BNIP1: variants seen among roughly 807,000 people sequenced by gnomAD.
BNIP1 encodes the protein vesicle transport protein SEC20.
In BNIP1, 25 loss-of-function variants were observed where a neutral mutation model predicts 28.5. That is an observed-to-expected ratio of 0.88 (90% CI 0.64 to 1.23). The LOEUF is 1.23. Among genes scored for constraint, BNIP1 ranks in the 50% most tolerant of loss-of-function variants. The probability of loss-of-function intolerance (pLI) is 0.00; values close to 1 mark genes in which losing one functional copy is unlikely to be tolerated. For synonymous variants in BNIP1, 118 were observed against 101.7 expected (o/e 1.16, Z -0.96); for missense variants, 276 against 277.0 (o/e 1.00, Z 0.02).
chr5:173,160,343 T>A (rs1760328059), intron 5 of BNIP1, among the ~76,000 whole-genome samples: 1 of 152,082 alleles, frequency 6.6e-6, no homozygotes, highest in African/African-American at 2.4e-5. Context: ...CAAGCGATTC[T>A]CCTGCCTTAG....
At position 173,164,020 on chromosome 5, in the gene BNIP1, G is replaced by GT. The variant is rs1173648761; in HGVS notation, c.*102dup. 3.3e-6 allele frequency: 4 copies of GT among 1,216,946 alleles called. No individual in the cohort carries two copies. The African/African-American group carries it at 6.2e-5, about 19-fold the overall frequency. 75.4% of individuals were successfully genotyped at this position (1,216,946 alleles called of 1,614,324 possible). ...GCTAAGCTGAGCCACACACCCCTCC[G>GT]TTTGCACCAGTTGCCTGCAGGTTGG... is the stretch of plus-strand genomic sequence containing the variant. On this transcript the variant is annotated 3_prime_UTR_variant, in exon 6 of 6. Transcript: ENST00000351486. The surrounding 1 kb of genome is among the most constrained non-coding windows in gnomAD (Gnocchi z 4.0).
chr5:173,152,674 A>T (rs1760057297), intron 2 of BNIP1, among the ~76,000 whole-genome samples: 1 of 152,186 alleles, frequency 6.6e-6, no homozygotes, highest in African/African-American at 2.4e-5. Context: ...CTAATAGGGA[A>T]TACAGATTTT....
intron 2 of BNIP1, among the ~76,000 whole-genome samples, chr5:173,153,473 C>T (rs936288729): frequency 3.9e-5 from 6 of 152,064 alleles, no homozygotes; most frequent in South Asian, 2.1e-4. Flanking sequence ...GTGATCTCCC[C>T]GCCTCGGCCT....
intron 3 of BNIP1, among the ~76,000 whole-genome samples, chr5:173,155,826 C>G (rs1249691288): frequency 6.6e-6 from 1 of 152,206 alleles, no homozygotes; most frequent in Non-Finnish European, 1.5e-5. Context: ...AAGCGATCCT[C>G]TCACCTCAGC....
chr5:173,157,759 G>C (rs1031204140), intron 3 of BNIP1, among the ~76,000 whole-genome samples: 12 of 152,042 alleles, frequency 7.9e-5, no homozygotes, highest in Non-Finnish European at 4.4e-5. Flanking sequence ...CCAACTTTCC[G>C]TTATCACCCA....
At chr5:173,150,332 C>T (rs1759980684) in intron 2 of BNIP1, among the ~76,000 whole-genome samples, 1 of 151,588 alleles carries the variant, frequency 6.6e-6, no homozygotes, top group Non-Finnish European at 1.5e-5. Flanking sequence ...TCTGTTGTTG[C>T]TTAACAGAGG....
At chr5:173,156,190 G>T (rs1325467230) in intron 3 of BNIP1, among the ~76,000 whole-genome samples, 1 of 152,228 alleles carries the variant, frequency 6.6e-6, no homozygotes, top group East Asian at 1.9e-4. Flanking sequence ...TTGCTTTCCT[G>T]AGCCACCAAG....
intron 2 of BNIP1, chr5:173,151,688 C>T: frequency 6.2e-7 from 1 of 1,613,706 alleles, no homozygotes; most frequent in South Asian, 1.1e-5. Context: ...CACCTGTTAC[C>T]TTCAGTGTGA....
At chr5:173,156,827 T>G (rs1306966582) in intron 3 of BNIP1, among the ~76,000 whole-genome samples, 1 of 151,572 alleles carries the variant, frequency 6.6e-6, no homozygotes, top group Non-Finnish European at 1.5e-5. Context: ...TTTTTATATT[T>G]TTAGTAGAGA....
intron 3 of BNIP1, 84 bp downstream of exon 3, chr5:173,154,497 T>C: frequency 1.9e-6 from 2 of 1,066,646 alleles, no homozygotes; most frequent in Non-Finnish European, 1.4e-6. Context: ...GCCTGATGGA[T>C]CTGCTTTAAT....
chr5:173,163,937 A>C lies in BNIP1; in HGVS notation c.*16A>C. The C allele has an allele frequency of 1.3e-6, 2 of 1,577,410 alleles. No homozygotes were observed. The highest frequency in any genetic ancestry group is 1.7e-6 in the Non-Finnish European group (2 of 1,161,204). ...ATTTTTGTGAGATCCCAAAGGTGCC[A>C]GTTCTGGCCCTTTCAGCTCCTGTTT... On this transcript the variant is annotated 3_prime_UTR_variant, in exon 6 of 6. Transcript: ENST00000351486.
At chr5:173,156,973 A>G (rs1760217898) in intron 3 of BNIP1, among the ~76,000 whole-genome samples, 1 of 152,038 alleles carries the variant, frequency 6.6e-6, no homozygotes, top group South Asian at 2.1e-4. Flanking sequence ...AAAAAAACAA[A>G]AAAAACAAAA....
intron 2 of BNIP1, among the ~76,000 whole-genome samples, chr5:173,148,337 A>T (rs1376247871): frequency 6.6e-6 from 1 of 151,612 alleles, no homozygotes; most frequent in Non-Finnish European, 1.5e-5. Context: ...TCAGAGGATG[A>T]AGACCACTTG....
chr5:173,147,075 G>GTCACCCTCCCTGTCTA, intron 2 of BNIP1, 117 bp downstream of exon 2: 1 of 788,932 alleles, frequency 1.3e-6, no homozygotes, highest in Non-Finnish European at 2.1e-6. Context: ...CTTAGACAGG[G>GTCACCCTCCCTGTCTA]AGGGTGACTC....
At position 173,164,004 on chromosome 5, in the gene BNIP1, A is replaced by T. The variant is rs1339817738; in HGVS notation, c.*83A>T. ...TCCTGAGCTCTAGGCTGCTAAGCTG[A>T]GCCACACACCCCTCCGTTTGCACCA... On this transcript the variant is annotated 3_prime_UTR_variant, in exon 6 of 6. Transcript: ENST00000351486. The surrounding 1 kb of genome is among the most constrained non-coding windows in gnomAD (Gnocchi z 4.0). The T allele has an allele frequency of 7.3e-7, 1 of 1,362,264 alleles. No individual in the cohort carries two copies. Among genetic ancestry groups the T allele is most frequent in the Non-Finnish European group, 9.9e-7 (1 of 1,014,226 alleles). The allele number at this position is 1,362,264 out of a possible 1,614,324, so 84.4% of individuals were successfully genotyped here.
chr5:173,154,365 AAC>A lies in BNIP1; in HGVS notation c.223_224del (p.Gln75ThrfsTer24), dbSNP rs1292425276. 6 of 1,614,072 alleles carry A rather than the reference AAC, an allele frequency of 3.7e-6. No individual in the cohort carries two copies. In the South Asian group the frequency reaches 6.6e-5, roughly 18 times the overall value. ...AAAGAGCAAGACAAAGAATCAGAGAAACAACTTCTACTCCAGGAAGTGGAGAA... is the reference window on the plus strand; with the variant it reads ...AAAGAGCAAGACAAAGAATCAGAGAAAACTTCTACTCCAGGAAGTGGAGAA... On this transcript the variant is annotated frameshift_variant, in exon 3 of 6. Coordinates refer to ENST00000351486, the MANE Select transcript of BNIP1 (RefSeq NM_001205.3). LOFTEE classifies it high-confidence loss of function.
Position 173,154,333 on chromosome 5 carries a change from G to A in BNIP1, c.189G>A (p.Gln63=). 6.2e-7 allele frequency: 1 copy of A among 1,613,642 alleles called. No homozygotes were observed. The highest frequency in any genetic ancestry group is 8.5e-7 in the Non-Finnish European group (1 of 1,179,822). ...QLRHRIQDLE[Q]LAKEQDKESE... ...ATTTTTCCTCAAAGGACCTGGAGCA[G>A]TTGGCTAAAGAGCAAGACAAAGAAT... The change falls in exon 3 of 6, where the codon CAG becomes CAA. Residue 63 remains glutamine (Q), a synonymous_variant. Transcript: ENST00000351486.
chr5:173,145,118 G>A (rs576485644), intron 1 of BNIP1: 3 of 156,094 alleles, frequency 1.9e-5, no homozygotes, highest in African/African-American at 7.2e-5. Context: ...CTGGACCGTA[G>A]TTGTGATTTT....
At chr5:173,161,860 ATAAAGTTT>A (rs1760373561) in intron 5 of BNIP1, 2 of 152,160 alleles carry the variant, frequency 1.3e-5, no homozygotes, top group South Asian at 4.1e-4. Flanking sequence ...CTCCGTAATA[ATAAAGTTT>A]AAAAAGAAAG....
Sources: gnomAD v4.1 joint callset for allele counts (sites outside exome capture counted in the v4.1 genomes callset) on GRCh38, gnomAD v4.1.1 for gene constraint, Gnocchi (gnomAD v3.1) non-coding constraint, MANE v1.5 for transcripts, NCBI Gene and HGNC (gene_info 2026-07-23, HGNC 2026-07-21) for gene names.